CHL1: variants seen among roughly 807,000 people sequenced by gnomAD.
CHL1 encodes the protein neural cell adhesion molecule L1-like protein.
CHL1 carries 96 observed loss-of-function variants against 141.9 expected under a neutral mutation model. That is an observed-to-expected ratio of 0.68 (90% CI 0.57 to 0.80). CHL1 has a LOEUF of 0.80. Among genes scored for constraint, CHL1 ranks in the 30% least tolerant of loss-of-function variants. The pLI is 0.00. For missense variants in CHL1, 1,820 were observed against 1,457.2 expected (o/e 1.25, Z -4.05); for synonymous variants, 613 against 502.2 (o/e 1.22, Z -2.95).
Position 390,980 on chromosome 3 carries a change from T to A in CHL1, c.2612T>A (p.Leu871Gln), listed in dbSNP as rs1056947523. The change falls in exon 22 of 28, where the codon CTG (leucine) becomes CAG (glutamine). Residue 871 changes from leucine to glutamine, a missense_variant. Coordinates refer to ENST00000256509, the MANE Select transcript of CHL1 (RefSeq NM_006614.4). Reference protein sequence around the residue: ...YQINWWKTKSLLDGRTHPKEV... With the variant: ...YQINWWKTKSQLDGRTHPKEV... ...ATAAATTGGTGGAAAACAAAAAGTCTGTTGGATGGAAGAACACATCCCAAA... is the reference window on the plus strand; with the variant it reads ...ATAAATTGGTGGAAAACAAAAAGTCAGTTGGATGGAAGAACACATCCCAAA... 5.0e-5 allele frequency: 81 copies of A among 1,614,026 alleles called. 2 individuals carry two copies. In the East Asian group the frequency reaches 1.8e-3, roughly 36 times the overall value.
At chr3:369,203 T>G (rs1156454431) in intron 15 of CHL1, among the ~76,000 whole-genome samples, 2 of 151,978 alleles carry the variant, frequency 1.3e-5, no homozygotes, top group African/African-American at 4.8e-5. Context: ...GCCATTTTCG[T>G]GATATTTATT....
chr3:319,403 C>G (rs980499718), intron 2 of CHL1, among the ~76,000 whole-genome samples: 2 of 151,736 alleles, frequency 1.3e-5, no homozygotes, highest in East Asian at 1.9e-4. Context: ...AGAAAAACCA[C>G]TCATGTGTAT....
chr3:357,121 C>G (rs139083189), intron 11 of CHL1, among the ~76,000 whole-genome samples: 1 of 152,118 alleles, frequency 6.6e-6, no homozygotes, highest in Non-Finnish European at 1.5e-5. Context: ...TTATGCGAGA[C>G]CACACAGCTG....
chr3:197,476 C>CGA (rs1277838430), intron 1 of CHL1: 3 of 166,508 alleles, frequency 1.8e-5, no homozygotes, highest in African/African-American at 7.1e-5. Context: ...GGTGGGGCTC[C>CGA]GAGGTCTAGC....
chr3:246,342 T>C (rs1243453132), intron 2 of CHL1, among the ~76,000 whole-genome samples: 1 of 152,146 alleles, frequency 6.6e-6, no homozygotes, highest in African/African-American at 2.4e-5. Context: ...CCCTGCATTC[T>C]TTCCTGTATT....
chr3:355,665 T>A (rs1703648560), intron 11 of CHL1, among the ~76,000 whole-genome samples: 1 of 152,160 alleles, frequency 6.6e-6, no homozygotes, highest in Admixed American at 6.5e-5. Context: ...CCGTCTAGGA[T>A]GTGCACCTTG....
chr3:367,079 A>G (rs1411808033), intron 15 of CHL1, among the ~76,000 whole-genome samples: 4 of 152,366 alleles, frequency 2.6e-5, no homozygotes, highest in East Asian at 3.9e-4. Flanking sequence ...CATATAGAGG[A>G]AAGTGTGAAT....
chr3:253,273 C>T (rs73092539), intron 2 of CHL1, among the ~76,000 whole-genome samples: 11,048 of 152,000 alleles, frequency 0.073, 1,276 homozygotes, highest in African/African-American at 0.25. Context: ...AATTATGCTC[C>T]CTTAGCACCA....
At chr3:315,663 G>A (rs1258420383) in intron 2 of CHL1, among the ~76,000 whole-genome samples, 2 of 152,054 alleles carry the variant, frequency 1.3e-5, no homozygotes, top group Non-Finnish European at 2.9e-5. Flanking sequence ...GCTTGTCCAT[G>A]TTAAACTAAT....
In CHL1 at chr3:382,475, G is replaced by C. The variant is rs528632674; in HGVS notation, c.1980G>C (p.Glu660Asp). Reference sequence around the variant, plus strand: ...TTTTTTCCCTGTTTATACTACCAGAGTATATTGTTGAATTTGAAGGAAACA... The same window carrying C: ...TTTTTTCCCTGTTTATACTACCAGACTATATTGTTGAATTTGAAGGAAACA... ...AGADHNSNIS[E>D]YIVEFEGNKE... The change falls in exon 18 of 28, where the codon GAG becomes GAC. Residue 660 changes from glutamate (E) to aspartate (D), a missense_variant and splice_region_variant. Transcript: ENST00000256509. 28 of 1,612,042 alleles carry C rather than the reference G, an allele frequency of 1.7e-5. No homozygotes were observed. Among genetic ancestry groups the C allele is most frequent in the Non-Finnish European group, 2.3e-5 (27 of 1,178,342 alleles).
chr3:312,615 G>A (rs1699842488), intron 2 of CHL1, among the ~76,000 whole-genome samples: 1 of 152,100 alleles, frequency 6.6e-6, no homozygotes, highest in Non-Finnish European at 1.5e-5. Flanking sequence ...CCAAACCAGG[G>A]GAATAGTTTA....
intron 5 of CHL1, among the ~76,000 whole-genome samples, chr3:333,124 ATTTTTTTTATTTT>A (rs1653012505): frequency 1.2e-5 from 1 of 83,314 alleles, no homozygotes. Flanking sequence ...TAATTGCTCT[ATTTTTTTTATTTT>A]TTTTTTTTGC....
chr3:267,680 C>T (rs17273893), intron 2 of CHL1, among the ~76,000 whole-genome samples: 10,720 of 152,136 alleles, frequency 0.07, 442 homozygotes, highest in Non-Finnish European at 0.088. Flanking sequence ...GTATTTCAAA[C>T]GTGAGGCTAG....
chr3:398,993 C>T (rs1708900461), intron 25 of CHL1, 24 bp from the exon 26 acceptor site: 1 of 1,608,956 alleles, frequency 6.2e-7, no homozygotes, highest in Non-Finnish European at 8.5e-7. Flanking sequence ...GTTTACAATG[C>T]TGTGACTTCT....
At chr3:276,890 T>TAA (rs11292528) in intron 2 of CHL1, among the ~76,000 whole-genome samples, 32 of 64,426 alleles carry the variant, frequency 5.0e-4, no homozygotes, top group African/African-American at 1.3e-3. Context: ...CTCCGTCTCC[T>TAA]AAAAAAAAAA....
intron 1 of CHL1, among the ~76,000 whole-genome samples, chr3:224,472 C>T (rs1410563347): frequency 6.6e-6 from 1 of 152,044 alleles, no homozygotes; most frequent in Non-Finnish European, 1.5e-5. Context: ...GTGCTGTCCT[C>T]GTGATATAGA....
At chr3:277,203 T>TA (rs1358019910) in intron 2 of CHL1, among the ~76,000 whole-genome samples, 1 of 152,024 alleles carries the variant, frequency 6.6e-6, no homozygotes, top group Non-Finnish European at 1.5e-5. Context: ...AGATTTTTTT[T>TA]AAAAAATTAT....
chr3:206,079 A>G (rs1246729202), intron 1 of CHL1, among the ~76,000 whole-genome samples: 1 of 152,204 alleles, frequency 6.6e-6, no homozygotes, highest in Non-Finnish European at 1.5e-5. Flanking sequence ...TCTGTGTCCC[A>G]TTATCCATTT....
At chr3:353,361 A>G (rs1703428093) in intron 10 of CHL1, among the ~76,000 whole-genome samples, 1 of 152,214 alleles carries the variant, frequency 6.6e-6, no homozygotes, top group Admixed American at 6.5e-5. Flanking sequence ...CCAGAAAAAA[A>G]GTAAGGATAT....
Sources: allele counts gnomAD v4.1 joint callset (sites outside exome capture counted in the v4.1 genomes callset), GRCh38; gene constraint gnomAD v4.1.1; transcripts MANE v1.5; gene names NCBI Gene and HGNC (gene_info 2026-07-23, HGNC 2026-07-21).